The following FAR2 variants were observed in gnomAD, a reference collection of about 807,000 sequenced individuals.
FAR2 encodes epididymis secretory protein Li 81.
In FAR2, 19 loss-of-function variants were observed where a neutral mutation model predicts 56.0. The observed-to-expected ratio is 0.34, with a 90% CI of 0.24 to 0.50. The LOEUF (loss-of-function observed/expected upper bound fraction) is 0.50, where lower values mean the gene tolerates loss of function less well. FAR2 is among the 20% of genes least tolerant of loss of function. The pLI is 0.98. For synonymous variants in FAR2, 219 were observed against 218.8 expected, an observed-to-expected ratio of 1.00 and a Z score of -0.01; for missense variants, 508 against 642.2, an observed-to-expected ratio of 0.79 and a Z score of 2.26.
At chr12:29,169,026 T>C (rs2136584926) in intron 1 of FAR2, among the ~76,000 whole-genome samples, 1 of 152,294 alleles carries the variant, frequency 6.6e-6, no homozygotes, top group Middle Eastern at 3.4e-3. Flanking sequence ...GGTGCGTTTT[T>C]ACAGAGTGCT....
At chr12:29,281,990 T>A (rs2136727047) in intron 2 of FAR2, among the ~76,000 whole-genome samples, 1 of 152,334 alleles carries the variant, frequency 6.6e-6, no homozygotes, top group South Asian at 2.1e-4. Flanking sequence ...AAATTAGGAA[T>A]GCACAAAAGC....
intron 1 of FAR2, among the ~76,000 whole-genome samples, chr12:29,231,843 A>G (rs1947862621): frequency 6.6e-6 from 1 of 152,212 alleles, no homozygotes; most frequent in South Asian, 2.1e-4. Context: ...ATACAGAAAC[A>G]AAAAAGAAAC....
intron 1 of FAR2, among the ~76,000 whole-genome samples, chr12:29,209,757 A>G (rs1270166346): frequency 1.3e-5 from 2 of 152,004 alleles, no homozygotes; most frequent in East Asian, 3.9e-4. Context: ...AATGCGTAAA[A>G]GAAAGAATAG....
At chr12:29,192,463 T>C (rs1950110766) in intron 1 of FAR2, among the ~76,000 whole-genome samples, 1 of 152,204 alleles carries the variant, frequency 6.6e-6, no homozygotes, top group Non-Finnish European at 1.5e-5. Flanking sequence ...ATGCTTTATA[T>C]ATGCAATCTT....
At chr12:29,263,468 A>G (rs990472523) in intron 1 of FAR2, among the ~76,000 whole-genome samples, 1 of 152,096 alleles carries the variant, frequency 6.6e-6, no homozygotes, top group Non-Finnish European at 1.5e-5. Flanking sequence ...GCCACAATGG[A>G]GTAAAAGTAG....
At chr12:29,163,374 G>A (rs1312567313) in intron 1 of FAR2, among the ~76,000 whole-genome samples, 2 of 152,226 alleles carry the variant, frequency 1.3e-5, no homozygotes, top group African/African-American at 4.8e-5. Flanking sequence ...GAGAGTTACA[G>A]CATTACAGTT....
At chr12:29,194,313 A>G (rs1475261773) in intron 1 of FAR2, among the ~76,000 whole-genome samples, 3 of 152,154 alleles carry the variant, frequency 2.0e-5, no homozygotes, top group Admixed American at 6.5e-5. Flanking sequence ...CATTGACTAG[A>G]TTCAATGGAA....
chr12:29,214,793 C>T (rs1002442045), intron 1 of FAR2, among the ~76,000 whole-genome samples: 3 of 151,398 alleles, frequency 2.0e-5, no homozygotes, highest in African/African-American at 7.3e-5. Flanking sequence ...TGCATTCCAG[C>T]CTGGGCAACA....
At chr12:29,184,181 T>G (rs1950016713) in intron 1 of FAR2, among the ~76,000 whole-genome samples, 1 of 152,202 alleles carries the variant, frequency 6.6e-6, no homozygotes. Flanking sequence ...ATAAAGGACC[T>G]TACATAACTC....
At chr12:29,186,501 G>C (rs1185573382) in intron 1 of FAR2, among the ~76,000 whole-genome samples, 1 of 152,088 alleles carries the variant, frequency 6.6e-6, no homozygotes, top group Non-Finnish European at 1.5e-5. Context: ...GCAAATAATC[G>C]CTTGAGATTA....
chr12:29,180,823 A>T (rs1392717670), intron 1 of FAR2, among the ~76,000 whole-genome samples: 1 of 151,976 alleles, frequency 6.6e-6, no homozygotes, highest in Non-Finnish European at 1.5e-5. Flanking sequence ...ACAAAATATA[A>T]AAGCCTGAAA....
At chr12:29,283,881 T>A (rs925100182) in intron 2 of FAR2, among the ~76,000 whole-genome samples, 1 of 152,244 alleles carries the variant, frequency 6.6e-6, no homozygotes, top group African/African-American at 2.4e-5. Context: ...GCTTTATTAT[T>A]GTCTTAAATA....
chr12:29,332,759 A>ACTGAT (rs1365840132), intron 11 of FAR2, 32 bp downstream of exon 11: 2 of 1,591,110 alleles, frequency 1.3e-6, no homozygotes, highest in Admixed American at 3.4e-5. Context: ...ATATTTATTG[A>ACTGAT]GCACCTACTG....
chr12:29,279,544 T>C (rs1265838500), intron 2 of FAR2, among the ~76,000 whole-genome samples: 1 of 152,252 alleles, frequency 6.6e-6, no homozygotes, highest in Non-Finnish European at 1.5e-5. Flanking sequence ...TAAGCAATAT[T>C]TCACAGACAT....
intron 10 of FAR2, among the ~76,000 whole-genome samples, chr12:29,329,518 T>C (rs1324603192): frequency 6.6e-6 from 1 of 152,214 alleles, no homozygotes; most frequent in African/African-American, 2.4e-5. Context: ...AATTGCCATA[T>C]GGAATCAGGA....
intron 1 of FAR2, among the ~76,000 whole-genome samples, chr12:29,159,786 G>A (rs564084118): frequency 6.6e-6 from 1 of 152,166 alleles, no homozygotes; most frequent in East Asian, 1.9e-4. Flanking sequence ...ACAAACTCTT[G>A]GTGTTTTAAG....
At chr12:29,216,642 T>C (rs1416016828) in intron 1 of FAR2, among the ~76,000 whole-genome samples, 2 of 152,162 alleles carry the variant, frequency 1.3e-5, no homozygotes, top group Admixed American at 1.3e-4. Context: ...AACCTGCAGC[T>C]AATAAGAAAC....
chr12:29,168,206 C>T (rs866296615), intron 1 of FAR2, among the ~76,000 whole-genome samples: 5 of 152,146 alleles, frequency 3.3e-5, no homozygotes, highest in Admixed American at 1.3e-4. Flanking sequence ...CTTTGGTTCT[C>T]GCTCCATAAA....
intron 1 of FAR2, among the ~76,000 whole-genome samples, chr12:29,176,500 G>A (rs1489099246): frequency 6.6e-6 from 1 of 152,082 alleles, no homozygotes; most frequent in Non-Finnish European, 1.5e-5. Flanking sequence ...TTTCAGAAAA[G>A]GAAAGCTCAT....
Sources: allele counts gnomAD v4.1 joint callset (sites outside exome capture counted in the v4.1 genomes callset), GRCh38; gene constraint gnomAD v4.1.1; transcripts MANE v1.5; gene names NCBI Gene and HGNC (gene_info 2026-07-23, HGNC 2026-07-21).